MSRB3: variants seen among roughly 807,000 people sequenced by gnomAD.
The protein encoded by MSRB3 is methionine-R-sulfoxide reductase B3.
In MSRB3, 13 loss-of-function variants were observed where a neutral mutation model predicts 21.0. That is an observed-to-expected ratio of 0.62 (90% CI 0.40 to 0.98). MSRB3 has a LOEUF of 0.98. Among genes scored for constraint, MSRB3 ranks in the 50% least tolerant of loss-of-function variants. The pLI, the probability that MSRB3 is intolerant of heterozygous loss-of-function variation, is 0.00. For missense variants in MSRB3, 199 were observed against 230.3 expected, an observed-to-expected ratio of 0.86 and a Z score of 0.88; for synonymous variants, 87 against 88.6, an observed-to-expected ratio of 0.98 and a Z score of 0.10.
intron 5 of MSRB3, among the ~76,000 whole-genome samples, chr12:65,444,749 C>G (rs3858644): frequency 0.52 from 78,347 of 151,950 alleles, 21,061 homozygotes; most frequent in Non-Finnish European, 0.62. Flanking sequence ...TGTCCTTTCT[C>G]TAGATTATGT....
At chr12:65,330,123 A>T (rs1875312764) in intron 4 of MSRB3, among the ~76,000 whole-genome samples, 1 of 152,224 alleles carries the variant, frequency 6.6e-6, no homozygotes, top group Non-Finnish European at 1.5e-5. Context: ...CAGATTCTCC[A>T]TCCCCTTCCC....
chr12:65,404,537 T>C (rs1480892340), intron 5 of MSRB3, among the ~76,000 whole-genome samples: 2 of 152,238 alleles, frequency 1.3e-5, no homozygotes, highest in Admixed American at 6.5e-5. Flanking sequence ...TTCCTCCTAA[T>C]GCTCTTTGTT....
chr12:65,400,131 AG>A (rs1880039895), intron 5 of MSRB3, among the ~76,000 whole-genome samples: 1 of 151,960 alleles, frequency 6.6e-6, no homozygotes, highest in Non-Finnish European at 1.5e-5. Context: ...TGAGTTAGGG[AG>A]GAGTCCCTCT....
At chr12:65,435,401 A>T (rs1362046615) in intron 5 of MSRB3, among the ~76,000 whole-genome samples, 6 of 151,822 alleles carry the variant, frequency 4.0e-5, no homozygotes, top group Admixed American at 3.9e-4. Context: ...AGCCATTTCT[A>T]TAGGGATGTT....
intron 6 of MSRB3, among the ~76,000 whole-genome samples, chr12:65,455,867 G>A (rs759094962): frequency 2.0e-5 from 3 of 152,064 alleles, no homozygotes; most frequent in Non-Finnish European, 4.4e-5. Flanking sequence ...CTCCCAAGTA[G>A]CTGGGACCAT....
At chr12:65,440,322 T>C (rs1420420258) in intron 5 of MSRB3, among the ~76,000 whole-genome samples, 1 of 151,708 alleles carries the variant, frequency 6.6e-6, no homozygotes, top group Non-Finnish European at 1.5e-5. Context: ...AATAAAATAA[T>C]CAAAAGCAAA....
intron 5 of MSRB3, among the ~76,000 whole-genome samples, chr12:65,436,181 A>G (rs948307318): frequency 6.6e-6 from 1 of 151,842 alleles, no homozygotes; most frequent in Non-Finnish European, 1.5e-5. Flanking sequence ...CACTAATCAC[A>G]ATTTCCTTGA....
At position 65,317,829 on chromosome 12, in the gene MSRB3, A is replaced by G. The variant is rs552568019; in HGVS notation, c.77-8997A>G. ...TTTTAAACTAATTTCTAAGAAACATAGCCAAGATCATTATTTAGAAAACAT... is the reference window on the plus strand; with the variant it reads ...TTTTAAACTAATTTCTAAGAAACATGGCCAAGATCATTATTTAGAAAACAT... On this transcript the variant is annotated intron_variant, in intron 2 of 6. Coordinates refer to ENST00000308259, the MANE Select transcript of MSRB3 (RefSeq NM_001031679.3). Among the ~76,000 whole-genome samples, 16 of 152,336 alleles carry G rather than the reference A, an allele frequency of 1.1e-4. No individual in the cohort carries two copies. The South Asian group carries it at 1.2e-3, about 12-fold the overall frequency.
intron 4 of MSRB3, among the ~76,000 whole-genome samples, chr12:65,353,269 C>T (rs1877152327): frequency 6.6e-6 from 1 of 152,086 alleles, no homozygotes; most frequent in Non-Finnish European, 1.5e-5. Flanking sequence ...AGTTCAGTTC[C>T]TGGATATCCT....
chr12:65,330,665 A>G (rs940612636), intron 4 of MSRB3, among the ~76,000 whole-genome samples: 3 of 152,126 alleles, frequency 2.0e-5, no homozygotes, highest in Admixed American at 6.6e-5. Flanking sequence ...AAATCTTACC[A>G]TGTATTGCCC....
At chr12:65,450,117 T>TAA (rs34599763) in intron 5 of MSRB3, among the ~76,000 whole-genome samples, 2 of 150,584 alleles carry the variant, frequency 1.3e-5, no homozygotes, top group African/African-American at 2.4e-5. Flanking sequence ...TGCTGCAATC[T>TAA]AAAAAAAAAA....
chr12:65,279,588 A>G (rs1427529894), intron 1 of MSRB3: 2 of 152,228 alleles, frequency 1.3e-5, no homozygotes, highest in Non-Finnish European at 2.9e-5. Context: ...ACACTGGGCT[A>G]TTTCGAGTCA....
intron 1 of MSRB3, chr12:65,284,656 A>G (rs1379950522): frequency 6.6e-6 from 1 of 152,240 alleles, no homozygotes; most frequent in Non-Finnish European, 1.5e-5. Context: ...AGTTAAAAAT[A>G]AAGAGAAAAA....
chr12:65,306,983 T>G (rs1247682392), intron 1 of MSRB3: 1 of 985,740 alleles, frequency 1.0e-6, no homozygotes, highest in Non-Finnish European at 1.2e-6. Context: ...GGAAGACGTT[T>G]TATGGTCAGC....
rs556747093 is a variant in MSRB3 at position 65,345,914 on chromosome 12, A to G, written c.263+17311A>G. On this transcript the variant is annotated intron_variant, in intron 4 of 6. Transcript: ENST00000308259. ...ACGTCCCTACAAAGGACGTGAAATC[A>G]TCATTTTTTATGGCTGCATGGTATT... 5.3e-5 allele frequency among the ~76,000 whole-genome samples: 8 copies of G among 152,194 alleles called. No individual in the cohort carries two copies. The South Asian group carries it at 6.2e-4, about 12-fold the overall frequency.
At chr12:65,432,282 A>G (rs1881912821) in intron 5 of MSRB3, among the ~76,000 whole-genome samples, 1 of 152,038 alleles carries the variant, frequency 6.6e-6, no homozygotes, top group African/African-American at 2.4e-5. Flanking sequence ...TTATCATTAC[A>G]TAATCTATAT....
intron 6 of MSRB3, among the ~76,000 whole-genome samples, chr12:65,456,309 A>G (rs1883089720): frequency 6.6e-6 from 1 of 152,230 alleles, no homozygotes; most frequent in Non-Finnish European, 1.5e-5. Context: ...AAAATGAAGC[A>G]TAAGATATTA....
intron 6 of MSRB3, 85 bp from the exon 7 acceptor site, chr12:65,463,070 C>T (rs1025002643): frequency 2.7e-6 from 4 of 1,484,456 alleles, no homozygotes; most frequent in African/African-American, 2.8e-5. Flanking sequence ...ACAGGCTGGT[C>T]ATCCATTTAA....
intron 1 of MSRB3, among the ~76,000 whole-genome samples, chr12:65,307,953 T>A (rs1221934452): frequency 6.6e-6 from 1 of 152,216 alleles, no homozygotes. Context: ...TGTCTCTTAA[T>A]CTTATTATTT....
Sources: allele counts gnomAD v4.1 joint callset (sites outside exome capture counted in the v4.1 genomes callset), GRCh38; gene constraint gnomAD v4.1.1; transcripts MANE v1.5; gene names NCBI Gene and HGNC (gene_info 2026-07-23, HGNC 2026-07-21).